Variants in ARHGAP18 observed in about 807,000 individuals in gnomAD.
The protein encoded by ARHGAP18 is Rho GTPase activating protein 18.
In ARHGAP18, 67 loss-of-function variants were observed where a neutral mutation model predicts 86.2. The ratio of observed to expected loss-of-function variants is 0.78; its 90% CI spans 0.64 to 0.95. The LOEUF is 0.95. Ranked by LOEUF, ARHGAP18 falls within the 40% of genes least tolerant of loss-of-function variation. The pLI, the probability that ARHGAP18 is intolerant of heterozygous loss-of-function variation, is 0.00. For synonymous variants in ARHGAP18, 283 were observed against 280.4 expected, an observed-to-expected ratio of 1.01 and a Z score of -0.09; for missense variants, 691 against 780.4, an observed-to-expected ratio of 0.89 and a Z score of 1.37.
intron 1 of ARHGAP18, among the ~76,000 whole-genome samples, chr6:129,697,414 C>G (rs1054730171): frequency 2.0e-5 from 3 of 151,330 alleles, no homozygotes; most frequent in Non-Finnish European, 4.4e-5. Flanking sequence ...ACTGGTAGTG[C>G]CTGGGTCAGA....
intron 4 of ARHGAP18, among the ~76,000 whole-genome samples, chr6:129,630,029 A>C (rs1773164362): frequency 6.6e-6 from 1 of 152,226 alleles, no homozygotes; most frequent in South Asian, 2.1e-4. Context: ...TACCTATCAT[A>C]GTAAAAATTC....
At position 129,599,370 on chromosome 6, in the gene ARHGAP18, G is replaced by A. The variant is rs1194790724; in HGVS notation, c.1573-14C>T. 2 of 1,485,050 alleles carry A rather than the reference G, an allele frequency of 1.3e-6. No individual in the cohort carries two copies. Among genetic ancestry groups the A allele is most frequent in the Non-Finnish European group, 1.8e-6 (2 of 1,120,842 alleles). 92.0% of individuals were successfully genotyped at this position (1,485,050 alleles called of 1,614,324 possible). A position where few individuals can be genotyped will look rare whatever the true frequency, so the allele number is the denominator to read the frequency against. On this transcript the variant is annotated splice_polypyrimidine_tract_variant and intron_variant, in intron 11 of 14. Transcript: ENST00000368149. ...AAACTTGGGAATCTATAGAGAAAAG[G>A]AATTAAGCTTAGAGAGGAAAAAGAA...
At position 129,600,861 on chromosome 6, in the gene ARHGAP18, T is replaced by A; in HGVS notation, c.1366-13A>T. The A allele has an allele frequency of 1.3e-6, 2 of 1,597,690 alleles. No individual in the cohort carries two copies. The highest frequency in any genetic ancestry group is 2.2e-5 in the South Asian group (2 of 90,060). Reference sequence around the variant, plus strand: ...ATTCAAGAAGGGCCTGAAACAGAAATGACTCTTTGAGATTTGTGTCATATA... The same window carrying A: ...ATTCAAGAAGGGCCTGAAACAGAAAAGACTCTTTGAGATTTGTGTCATATA... On this transcript the variant is annotated splice_polypyrimidine_tract_variant and intron_variant, in intron 10 of 14. Transcript: ENST00000368149.
At chr6:129,585,726 T>C (rs1367092593) in intron 12 of ARHGAP18, among the ~76,000 whole-genome samples, 1 of 152,228 alleles carries the variant, frequency 6.6e-6, no homozygotes, top group East Asian at 1.9e-4. Context: ...CTTACACTCA[T>C]GACTTTGCTG....
chr6:129,650,406 T>C (rs1264595995), intron 1 of ARHGAP18, among the ~76,000 whole-genome samples: 5 of 152,172 alleles, frequency 3.3e-5, no homozygotes, highest in East Asian at 1.9e-4. Flanking sequence ...TACGGGAAAA[T>C]AGTAGACTAT....
intron 1 of ARHGAP18, among the ~76,000 whole-genome samples, chr6:129,666,261 C>A (rs997856672): frequency 6.6e-6 from 1 of 152,190 alleles, no homozygotes; most frequent in Non-Finnish European, 1.5e-5. Flanking sequence ...TGCCTCCCAG[C>A]AAAGCTCCGA....
At chr6:129,659,079 T>C (rs1015444505) in intron 1 of ARHGAP18, among the ~76,000 whole-genome samples, 1 of 152,214 alleles carries the variant, frequency 6.6e-6, no homozygotes, top group African/African-American at 2.4e-5. Context: ...ATGTAATAAA[T>C]ATGGCAATTA....
chr6:129,583,224 A>G (rs1788323696), intron 13 of ARHGAP18, among the ~76,000 whole-genome samples: 1 of 152,238 alleles, frequency 6.6e-6, no homozygotes, highest in Admixed American at 6.5e-5. Context: ...AGTTTATTTC[A>G]GTGACTGAAA....
rs569919327 is a variant in ARHGAP18 at position 129,613,911 on chromosome 6, C to T, written c.1044+2301G>A. The stretch of plus-strand genomic sequence containing the variant: ...ATAGCATTTCTCAAAATATATATTA[C>T]ATACTTATGTGAATTGAAAAATGAA... On this transcript the variant is annotated intron_variant, in intron 7 of 14. Coordinates refer to ENST00000368149, the MANE Select transcript of ARHGAP18 (RefSeq NM_033515.3). Among the ~76,000 whole-genome samples, 17 of 152,180 alleles carry T rather than the reference C, an allele frequency of 1.1e-4. No individual in the cohort carries two copies. The South Asian group carries it at 3.1e-3, about 28-fold the overall frequency.
intron 1 of ARHGAP18, among the ~76,000 whole-genome samples, chr6:129,644,691 G>C (rs553383429): frequency 6.6e-6 from 1 of 152,182 alleles, no homozygotes; most frequent in Non-Finnish European, 1.5e-5. Context: ...AAGGGAAAAA[G>C]GTGCAGTTGA....
chr6:129,675,724 AAT>A (rs1774221283), intron 1 of ARHGAP18, among the ~76,000 whole-genome samples: 1 of 152,196 alleles, frequency 6.6e-6, no homozygotes, highest in Non-Finnish European at 1.5e-5. Flanking sequence ...GGGAATAAGA[AAT>A]AGAGACTTAA....
Position 129,584,049 on chromosome 6 carries a change from T to G in ARHGAP18, c.1777A>C (p.Ile593Leu), listed in dbSNP as rs754508624. 6.2e-7 allele frequency: 1 copy of G among 1,613,736 alleles called. No individual in the cohort carries two copies. Among genetic ancestry groups the G allele is most frequent in the Admixed American group, 1.7e-5 (1 of 59,966 alleles). ...APHLSKVSMA[I>L]QLTEELKASD... ...GCTTTTAGTTCTTCAGTTAGCTGTA[T>G]TGCCATGGAAACTTTCGAAAGATGG... Residue 593 changes from isoleucine (I) to leucine (L), a missense_variant, in exon 13 of 15, where the codon ATA becomes CTA. Transcript: ENST00000368149.
intron 1 of ARHGAP18, among the ~76,000 whole-genome samples, chr6:129,686,758 T>TCTTTCA (rs1217389417): frequency 6.6e-6 from 1 of 151,916 alleles, no homozygotes; most frequent in East Asian, 1.9e-4. Context: ...CATCCCGTCA[T>TCTTTCA]CTTTCACTGA....
At chr6:129,592,912 A>C (rs1788545760) in intron 12 of ARHGAP18, among the ~76,000 whole-genome samples, 1 of 152,186 alleles carries the variant, frequency 6.6e-6, no homozygotes, top group African/African-American at 2.4e-5. Context: ...CAAGATCAGA[A>C]AAATGTGTTC....
intron 10 of ARHGAP18, among the ~76,000 whole-genome samples, chr6:129,602,440 T>C (rs1303967842): frequency 6.6e-6 from 1 of 151,960 alleles, no homozygotes; most frequent in Admixed American, 6.6e-5. Flanking sequence ...AGGCCAAATA[T>C]ACTATACTAA....
intron 7 of ARHGAP18, 56 bp from the exon 8 acceptor site, chr6:129,611,666 G>T: frequency 2.1e-6 from 3 of 1,419,852 alleles, no homozygotes; most frequent in South Asian, 1.2e-5. Flanking sequence ...GTACAATTCC[G>T]AATTTAACAT....
At chr6:129,618,895 A>C (rs1157226931) in intron 5 of ARHGAP18, 43 bp from the exon 6 acceptor site, 23 of 1,556,254 alleles carry the variant, frequency 1.5e-5, no homozygotes, top group Non-Finnish European at 2.0e-5. Context: ...TACAGTACCT[A>C]ACCTCCATTG....
At chr6:129,615,279 T>C (rs1789072593) in intron 7 of ARHGAP18, among the ~76,000 whole-genome samples, 5 of 152,244 alleles carry the variant, frequency 3.3e-5, no homozygotes, top group Admixed American at 2.6e-4. Context: ...ATACATGTTC[T>C]GCATGCAGTG....
chr6:129,633,442 A>AAC (rs1773261499), intron 4 of ARHGAP18, among the ~76,000 whole-genome samples: 1 of 151,670 alleles, frequency 6.6e-6, no homozygotes, highest in African/African-American at 2.4e-5. Flanking sequence ...CTCAAAAAAA[A>AAC]AAAAAAAAAA....
Sources: gnomAD v4.1 joint callset for allele counts (sites outside exome capture counted in the v4.1 genomes callset) on GRCh38, gnomAD v4.1.1 for gene constraint, MANE v1.5 for transcripts, NCBI Gene and HGNC (gene_info 2026-07-23, HGNC 2026-07-21) for gene names.